The following CASD1 variants were observed in gnomAD, a reference collection of about 807,000 sequenced individuals.
The protein encoded by CASD1 is CAS1 domain sialic acid O acetyltransferase 1, also known as N-acetylneuraminate (7)9-O-acetyltransferase.
In CASD1, 41 loss-of-function variants were observed where a neutral mutation model predicts 100.0. The observed-to-expected ratio is 0.41, with a 90% confidence interval of 0.32 to 0.53. The LOEUF is 0.53. Ranked by LOEUF, CASD1 falls within the 20% of genes least tolerant of loss-of-function variation. The pLI is 0.25. For synonymous variants in CASD1, 321 were observed against 315.6 expected, an observed-to-expected ratio of 1.02 and a Z score of -0.18; for missense variants, 774 against 948.7, an observed-to-expected ratio of 0.82 and a Z score of 2.42.
At chr7:94,533,579 A>C in intron 6 of CASD1, 100 bp from the exon 7 acceptor site, 1 of 858,798 alleles carries the variant, frequency 1.2e-6, no homozygotes, top group Non-Finnish European at 1.7e-6. Context: ...ATAAAATGAG[A>C]AATATCTAAA....
chr7:94,564,369 G>A, the CASD1 span, among the ~76,000 whole-genome samples: 33,222 of 152,144 alleles, frequency 0.22, 4,371 homozygotes, highest in South Asian at 0.36. Flanking sequence ...CACTATCCCT[G>A]CATTCTTTGG....
chr7:94,558,013 G>C (rs1180596825), downstream of CASD1, among the ~76,000 whole-genome samples: 1 of 152,098 alleles, frequency 6.6e-6, no homozygotes, highest in Non-Finnish European at 1.5e-5. Flanking sequence ...TAAAACCACA[G>C]AGGTTCTCTA....
At chr7:94,573,376 ATTTG>A in the CASD1 span, among the ~76,000 whole-genome samples, 1 of 152,044 alleles carries the variant, frequency 6.6e-6, no homozygotes, top group Non-Finnish European at 1.5e-5. Flanking sequence ...AAGTTTTTCC[ATTTG>A]TTTGTGTCTT....
the CASD1 span, among the ~76,000 whole-genome samples, chr7:94,573,863 G>T: frequency 1.3e-5 from 2 of 152,152 alleles, no homozygotes; most frequent in East Asian, 3.9e-4. Flanking sequence ...TTGGCTGTGG[G>T]TTTGTCATAG....
chr7:94,536,423 T>C (rs904916673), intron 8 of CASD1, among the ~76,000 whole-genome samples: 2 of 152,184 alleles, frequency 1.3e-5, no homozygotes, highest in Admixed American at 6.5e-5. Flanking sequence ...TTTTTTTCTC[T>C]TATTAAGCAG....
chr7:94,557,415 G>A (rs1796245200), downstream of CASD1, among the ~76,000 whole-genome samples: 2 of 152,140 alleles, frequency 1.3e-5, no homozygotes, highest in Admixed American at 6.5e-5. Context: ...CTAGACTGCA[G>A]CCTTATAAGT....
the CASD1 span, among the ~76,000 whole-genome samples, chr7:94,632,622 C>T: frequency 6.6e-6 from 1 of 152,082 alleles, no homozygotes; most frequent in East Asian, 1.9e-4. Context: ...GACTAAGCCA[C>T]TATGTTTTGT....
At chr7:94,535,209 AAAAT>A in intron 7 of CASD1, 96 bp from the exon 8 acceptor site, 1 of 853,368 alleles carries the variant, frequency 1.2e-6, no homozygotes, top group South Asian at 1.6e-5. Flanking sequence ...TATACTTTTA[AAAAT>A]AACATATGAA....
Position 94,533,737 on chromosome 7 carries a change from TCAC to T in CASD1, c.565_567del (p.Thr189del). 6.2e-7 allele frequency: 1 copy of T among 1,606,636 alleles called. No individual in the cohort carries two copies. Among genetic ancestry groups the T allele is most frequent in the Non-Finnish European group, 8.5e-7 (1 of 1,176,354 alleles). On this transcript the variant is annotated inframe_deletion, in exon 7 of 18. Transcript: ENST00000297273. Reference sequence around the variant, plus strand: ...GCGCTTTCTCAATATAAAATGAACATCACCTCCATAGCACCACTTTTAGAAAAA... The same window carrying T: ...GCGCTTTCTCAATATAAAATGAACATCTCCATAGCACCACTTTTAGAAAAA...
In CASD1 at chr7:94,552,438, G is replaced by T; in HGVS notation, c.2034+11G>T. ...GTTTCTGTGGTACAGGTACTATCTTGATTTAGAGAAATTTCTACATCTTAA... is the reference window on the plus strand; with the variant it reads ...GTTTCTGTGGTACAGGTACTATCTTTATTTAGAGAAATTTCTACATCTTAA... On this transcript the variant is annotated intron_variant, in intron 16 of 17. Coordinates refer to ENST00000297273, the MANE Select transcript of CASD1 (RefSeq NM_022900.5). The T allele has an allele frequency of 1.3e-6, 2 of 1,576,006 alleles. No homozygotes were observed. Among genetic ancestry groups the T allele is most frequent in the Admixed American group, 2.0e-5 (1 of 49,964 alleles).
the CASD1 span, chr7:94,586,525 A>T: frequency 7.2e-5 from 11 of 151,878 alleles, no homozygotes; most frequent in African/African-American, 2.7e-4. Flanking sequence ...TTTGATTCAG[A>T]GTCTCACTCT....
Position 94,556,352 on chromosome 7 carries a change from G to A in CASD1, c.*594G>A, listed in dbSNP as rs1562952771. On this transcript the variant is annotated 3_prime_UTR_variant, in exon 18 of 18. Transcript: ENST00000297273. Reference sequence around the variant, plus strand: ...TTTTCTTCCTAACTGTGGTTTTCGGGTATGCAAGCCTAAATCTTTGTACAC... The same window carrying A: ...TTTTCTTCCTAACTGTGGTTTTCGGATATGCAAGCCTAAATCTTTGTACAC... 1 of 151,990 alleles carries A rather than the reference G, an allele frequency of 6.6e-6. No individual in the cohort carries two copies. Among genetic ancestry groups the A allele is most frequent in the Non-Finnish European group, 1.5e-5 (1 of 67,934 alleles). The allele number at this position is 151,990 out of a possible 1,614,324, so 9.4% of individuals were successfully genotyped here.
rs576769868 is a variant in CASD1, at chr7:94,553,633, T to C, written c.2035-850T>C. Among the ~76,000 whole-genome samples, 25 of 152,240 alleles carry C rather than the reference T, an allele frequency of 1.6e-4. 1 individual carries two copies. Among genetic ancestry groups the C allele is most frequent in the South Asian group, 6.2e-4 (3 of 4,832 alleles). ...TTGTGAAAGTGGAGATAACTTTTTT[T>C]CTTTACAGTTTCTTGCTTTTTATAA... is the stretch of plus-strand genomic sequence containing the variant. On this transcript the variant is annotated intron_variant, in intron 16 of 17. Transcript: ENST00000297273.
intron 3 of CASD1, among the ~76,000 whole-genome samples, chr7:94,522,930 G>A (rs1001363517): frequency 6.6e-6 from 1 of 152,094 alleles, no homozygotes; most frequent in African/African-American, 2.4e-5. Flanking sequence ...CAAAGTGCTG[G>A]GATTACAGGT....
At chr7:94,606,726 T>C in the CASD1 span, among the ~76,000 whole-genome samples, 3 of 152,072 alleles carry the variant, frequency 2.0e-5, no homozygotes, top group Non-Finnish European at 4.4e-5. Flanking sequence ...CCATAAAAAA[T>C]TAACAAATTT....
rs142012526 is a variant in CASD1, at chr7:94,555,582, G to C, written c.2218G>C (p.Val740Leu). The change falls in exon 18 of 18, where the codon GTC becomes CTC. Residue 740 changes from valine (V) to leucine (L), a missense_variant. Coordinates refer to ENST00000297273, the MANE Select transcript of CASD1 (RefSeq NM_022900.5). ...IPGNPMLNII[V>L]STFIFVCVAH... The stretch of plus-strand genomic sequence containing the variant: ...TGGAAACCCTATGCTCAACATCATT[G>C]TCAGCACTTTCATATTTGTTTGTGT... 1.5e-5 allele frequency: 25 copies of C among 1,613,390 alleles called. No individual in the cohort carries two copies. Among genetic ancestry groups the C allele is most frequent in the Middle Eastern group, 1.6e-4 (1 of 6,078 alleles).
chr7:94,596,349 C>T, the CASD1 span, among the ~76,000 whole-genome samples: 1 of 152,098 alleles, frequency 6.6e-6, no homozygotes, highest in Non-Finnish European at 1.5e-5. Flanking sequence ...CTTAAAATGA[C>T]AGCAACCTTT....
At chr7:94,599,059 T>C in the CASD1 span, 2 of 887,364 alleles carry the variant, frequency 2.3e-6, no homozygotes, top group Non-Finnish European at 3.5e-6. Flanking sequence ...TTTTATCTTT[T>C]AAAATAATAA....
intron 1 of CASD1, among the ~76,000 whole-genome samples, 187 bp from the exon 2 acceptor site, chr7:94,517,373 G>A (rs1794031904): frequency 6.6e-6 from 1 of 152,274 alleles, no homozygotes; most frequent in South Asian, 2.1e-4. Flanking sequence ...AGTTTCTCTT[G>A]TCCTCTTGAA....
Sources: gnomAD v4.1 joint callset for allele counts (sites outside exome capture counted in the v4.1 genomes callset) on GRCh38, gnomAD v4.1.1 for gene constraint, MANE v1.5 for transcripts, NCBI Gene and HGNC (gene_info 2026-07-23, HGNC 2026-07-21) for gene names.